The following DOCK4 variants were observed in gnomAD, a reference collection of about 807,000 sequenced individuals.
The protein encoded by DOCK4 is dedicator of cytokinesis protein 4.
A neutral mutation model predicts 268.1 loss-of-function variants in DOCK4; 97 were observed. The ratio of observed to expected loss-of-function variants is 0.36; its 90% CI spans 0.31 to 0.43. The LOEUF is 0.43. Ranked by LOEUF, DOCK4 falls within the 20% of genes least tolerant of loss-of-function variation. The probability of loss-of-function intolerance (pLI) is 1.00; values close to 1 mark genes in which losing one functional copy is unlikely to be tolerated. For missense variants in DOCK4, 2,145 were observed against 2,455.7 expected, an observed-to-expected ratio of 0.87 and a Z score of 2.67; for synonymous variants, 954 against 887.2, an observed-to-expected ratio of 1.08 and a Z score of -1.34.
intron 32 of DOCK4, 24 bp from the exon 33 acceptor site, chr7:111,784,147 G>A (rs1463795419): frequency 1.9e-6 from 3 of 1,565,332 alleles, no homozygotes; most frequent in Admixed American, 1.8e-5. Flanking sequence ...CATTGACAAA[G>A]CAAATTGATT....
chr7:112,117,211 C>T (rs887019982), intron 1 of DOCK4, among the ~76,000 whole-genome samples: 3 of 152,354 alleles, frequency 2.0e-5, no homozygotes, highest in African/African-American at 7.2e-5. Flanking sequence ...CACAGTAACT[C>T]ACAAGCTGCA....
chr7:111,969,433 TAAA>T (rs199647856), intron 8 of DOCK4, among the ~76,000 whole-genome samples: 1 of 134,646 alleles, frequency 7.4e-6, no homozygotes, highest in Non-Finnish European at 1.5e-5. Context: ...TTTTTTCTAT[TAAA>T]AAAACAAAAA....
chr7:111,901,862 T>A (rs1791179689), intron 13 of DOCK4, 61 bp from the exon 14 acceptor site: 1 of 1,311,180 alleles, frequency 7.6e-7, no homozygotes, highest in South Asian at 1.3e-5. Flanking sequence ...AATAAAGTGC[T>A]CTATCAAGAA....
At chr7:112,193,471 T>C (rs1280166986) in intron 1 of DOCK4, among the ~76,000 whole-genome samples, 2 of 151,902 alleles carry the variant, frequency 1.3e-5, no homozygotes, top group African/African-American at 2.4e-5. Flanking sequence ...TGGTGGTGCA[T>C]GCCTATAGTC....
intron 42 of DOCK4, among the ~76,000 whole-genome samples, chr7:111,749,532 C>T (rs1423285570): frequency 6.6e-6 from 1 of 151,376 alleles, no homozygotes; most frequent in Non-Finnish European, 1.5e-5. Context: ...CAATCTTCAT[C>T]TTTATAAATT....
intron 52 of DOCK4, among the ~76,000 whole-genome samples, chr7:111,730,541 C>A (rs1251206023): frequency 6.6e-6 from 1 of 152,188 alleles, no homozygotes; most frequent in Non-Finnish European, 1.5e-5. Context: ...TTCACTGCTA[C>A]CTCTGTCAAA....
chr7:111,861,597 T>C (rs1805522168), intron 23 of DOCK4, among the ~76,000 whole-genome samples: 1 of 151,698 alleles, frequency 6.6e-6, no homozygotes, highest in Non-Finnish European at 1.5e-5. Context: ...AATACAAAAA[T>C]TAGCCAGGCA....
At chr7:111,986,994 C>G (rs1338949981) in intron 6 of DOCK4, among the ~76,000 whole-genome samples, 1 of 152,138 alleles carries the variant, frequency 6.6e-6, no homozygotes, top group Non-Finnish European at 1.5e-5. Flanking sequence ...TTTCCATGAG[C>G]ACTATTCAAT....
intron 8 of DOCK4, among the ~76,000 whole-genome samples, chr7:111,958,964 T>A (rs889025702): frequency 6.6e-6 from 1 of 152,200 alleles, no homozygotes; most frequent in Non-Finnish European, 1.5e-5. Flanking sequence ...TTCTTTTTTA[T>A]GTGACACAGA....
At chr7:112,077,280 C>T (rs1808157138) in intron 1 of DOCK4, among the ~76,000 whole-genome samples, 1 of 151,966 alleles carries the variant, frequency 6.6e-6, no homozygotes, top group African/African-American at 2.4e-5. Context: ...CAACATCATA[C>T]TAGCAAAAAA....
intron 1 of DOCK4, among the ~76,000 whole-genome samples, chr7:112,026,853 C>T (rs1268812093): frequency 6.6e-6 from 1 of 152,138 alleles, no homozygotes; most frequent in Non-Finnish European, 1.5e-5. Flanking sequence ...ATTACTCTCC[C>T]GGTCATCTCA....
intron 1 of DOCK4, among the ~76,000 whole-genome samples, chr7:112,031,378 G>A (rs1241735395): frequency 6.6e-6 from 1 of 152,130 alleles, no homozygotes; most frequent in African/African-American, 2.4e-5. Flanking sequence ...GTTTCTTTAG[G>A]AAACCTTAAT....
At chr7:111,951,925 G>A (rs566149045) in intron 8 of DOCK4, among the ~76,000 whole-genome samples, 50 of 151,866 alleles carry the variant, frequency 3.3e-4, no homozygotes, top group African/African-American at 1.2e-3. Flanking sequence ...CACAAACCAA[G>A]AGTTTTTGTG....
chr7:111,735,999 A>G (rs1275276802), intron 50 of DOCK4, among the ~76,000 whole-genome samples: 2 of 152,148 alleles, frequency 1.3e-5, no homozygotes, highest in East Asian at 3.9e-4. Flanking sequence ...CTTTAGTAGA[A>G]GGGGTGAGAA....
At chr7:111,959,580 A>C (rs1477964019) in intron 8 of DOCK4, among the ~76,000 whole-genome samples, 1 of 152,246 alleles carries the variant, frequency 6.6e-6, no homozygotes, top group Non-Finnish European at 1.5e-5. Flanking sequence ...GCACTAGCAT[A>C]CATACACAAA....
intron 12 of DOCK4, among the ~76,000 whole-genome samples, chr7:111,934,523 G>GTTTTTGTTTTTTTTTTTTTT (rs1562907282): frequency 2.4e-5 from 2 of 83,874 alleles, no homozygotes; most frequent in African/African-American, 8.1e-5. Flanking sequence ...TTTTGTTTTT[G>GTTTTTGTTTTTTTTTTTTTT]TTTTTTTTTT....
At chr7:112,053,722 A>G (rs1805568031) in intron 1 of DOCK4, among the ~76,000 whole-genome samples, 1 of 151,554 alleles carries the variant, frequency 6.6e-6, no homozygotes, top group Admixed American at 6.5e-5. Flanking sequence ...AAAACCAGCT[A>G]TGTCTATCAG....
intron 8 of DOCK4, among the ~76,000 whole-genome samples, chr7:111,955,269 C>T (rs185179305): frequency 1.1e-3 from 161 of 152,290 alleles, no homozygotes; most frequent in African/African-American, 3.8e-3. Flanking sequence ...GTCATGAGCT[C>T]TTCTGATTAA....
chr7:112,172,674 A>C (rs1818184664), intron 1 of DOCK4, among the ~76,000 whole-genome samples: 1 of 152,224 alleles, frequency 6.6e-6, no homozygotes, highest in Admixed American at 6.5e-5. Context: ...ACAGTATGTC[A>C]TTATATGGAA....
Sources: allele counts gnomAD v4.1 joint callset (sites outside exome capture counted in the v4.1 genomes callset), GRCh38; gene constraint gnomAD v4.1.1; transcripts MANE v1.5; gene names NCBI Gene and HGNC (gene_info 2026-07-23, HGNC 2026-07-21).